Variants in UTRN observed in about 807,000 individuals in gnomAD.
UTRN encodes the protein dystrophin-related protein 1.
A neutral mutation model predicts 463.9 loss-of-function variants in UTRN; 283 were observed. The ratio of observed to expected loss-of-function variants is 0.61; its 90% CI spans 0.55 to 0.67. UTRN has a LOEUF of 0.67. UTRN is among the 30% of genes least tolerant of loss of function. The probability of loss-of-function intolerance (pLI) is 0.00; values close to 1 mark genes in which losing one functional copy is unlikely to be tolerated. For missense variants in UTRN, 3,922 were observed against 4,084.3 expected (o/e 0.96, Z 1.08); for synonymous variants, 1,442 against 1,431.5 (o/e 1.01, Z -0.17).
chr6:144,588,800 T>A (rs1802724004), intron 51 of UTRN, among the ~76,000 whole-genome samples: 1 of 152,224 alleles, frequency 6.6e-6, no homozygotes. Flanking sequence ...GGTAGTTTAT[T>A]TTTAGTTCTC....
chr6:144,587,875 A>G (rs141278663), intron 51 of UTRN, among the ~76,000 whole-genome samples: 2 of 152,298 alleles, frequency 1.3e-5, no homozygotes, highest in East Asian at 3.9e-4. Context: ...TCTAGTCTGC[A>G]AGTTAGAATT....
Position 144,748,511 on chromosome 6 carries a change from C to T in UTRN, c.8205C>T (p.Ile2735=), listed in dbSNP as rs762533000. The change falls in exon 55 of 75, where the codon ATC becomes ATT. Residue 2735 remains isoleucine, a synonymous_variant. Coordinates refer to ENST00000367545, the MANE Select transcript of UTRN (RefSeq NM_007124.3). ...CGCTGCAGGATCACATTGAAAAAAT[C>T]ATGGTCAGCATCATTGTCTTTGAAG... is the stretch of plus-strand genomic sequence containing the variant. The part of the protein sequence containing the change: ...IDSLQDHIEK[I]MAFREEIAPI... The T allele has an allele frequency of 4.3e-6, 7 of 1,611,328 alleles. No individual in the cohort carries two copies. Among genetic ancestry groups the T allele is most frequent in the South Asian group, 2.2e-5 (2 of 90,348 alleles).
chr6:144,398,175 C>G (rs1021792470), intron 2 of UTRN: 4 of 246,698 alleles, frequency 1.6e-5, no homozygotes, highest in African/African-American at 4.6e-5. Flanking sequence ...CCTGCTCTTG[C>G]AATATTCTCT....
intron 45 of UTRN, among the ~76,000 whole-genome samples, chr6:144,542,032 A>G (rs975263908): frequency 6.6e-6 from 1 of 152,184 alleles, no homozygotes; most frequent in Non-Finnish European, 1.5e-5. Context: ...TGTGCATCAC[A>G]AGGAATTTGA....
intron 2 of UTRN, among the ~76,000 whole-genome samples, chr6:144,318,963 G>A (rs117680811): frequency 0.019 from 2,961 of 152,272 alleles, 52 homozygotes; most frequent in Non-Finnish European, 0.031. Flanking sequence ...CAGCTACTTG[G>A]GAGGCTGAGG....
chr6:144,829,107 T>A (rs1200386671), intron 69 of UTRN, among the ~76,000 whole-genome samples: 1 of 152,270 alleles, frequency 6.6e-6, no homozygotes, highest in African/African-American at 2.4e-5. Context: ...CCCACGAAAA[T>A]CAGATTGTTT....
chr6:144,663,067 G>A (rs929279790), intron 51 of UTRN, among the ~76,000 whole-genome samples: 4 of 152,116 alleles, frequency 2.6e-5, no homozygotes, highest in Non-Finnish European at 5.9e-5. Context: ...TCTAGAACCA[G>A]AAAGGGCAAG....
chr6:144,502,326 G>C (rs906713241), intron 34 of UTRN, among the ~76,000 whole-genome samples: 2 of 151,456 alleles, frequency 1.3e-5, no homozygotes, highest in African/African-American at 4.9e-5. Context: ...TTGTTACATA[G>C]GTATACACGT....
chr6:144,570,743 T>C (rs892034929), intron 50 of UTRN, among the ~76,000 whole-genome samples: 1 of 152,192 alleles, frequency 6.6e-6, no homozygotes, highest in African/African-American at 2.4e-5. Flanking sequence ...AGTGGAATAC[T>C]GTCTGAGGCC....
chr6:144,792,725 C>A (rs1262602217), intron 62 of UTRN, among the ~76,000 whole-genome samples: 1 of 152,050 alleles, frequency 6.6e-6, no homozygotes, highest in African/African-American at 2.4e-5. Context: ...AAATTTATTT[C>A]CAAAAAGTAT....
chr6:144,413,015 T>G (rs1295018008), intron 3 of UTRN, among the ~76,000 whole-genome samples: 2 of 152,130 alleles, frequency 1.3e-5, no homozygotes, highest in Admixed American at 1.3e-4. Flanking sequence ...TGATAATGGG[T>G]TTAGGTAAGT....
chr6:144,386,252 C>G (rs1287421799), intron 2 of UTRN, among the ~76,000 whole-genome samples: 1 of 151,988 alleles, frequency 6.6e-6, no homozygotes, highest in Non-Finnish European at 1.5e-5. Context: ...GCTTGAGCCC[C>G]GGAGTTCGAG....
At chr6:144,690,181 G>A (rs1025929417) in intron 52 of UTRN, among the ~76,000 whole-genome samples, 1 of 142,040 alleles carries the variant, frequency 7.0e-6, no homozygotes, top group African/African-American at 2.6e-5. Context: ...GGTGGGTCAG[G>A]CAAGTCCATG....
At position 144,482,891 on chromosome 6, in the gene UTRN, A is replaced by G. The variant is rs181424836; in HGVS notation, c.3687+503A>G. ...ACAGTTTTACTGGGTCTTAGATAAA[A>G]TACCTTTTTTTTTTCTCCCTGGCCA... On this transcript the variant is annotated intron_variant, in intron 27 of 74. Transcript: ENST00000367545. Among the ~76,000 whole-genome samples, 579 of 152,192 alleles carry G rather than the reference A, an allele frequency of 3.8e-3. 3 individuals are homozygous for G. Among genetic ancestry groups the G allele is most frequent in the African/African-American group, 0.014 (563 of 41,524 alleles).
chr6:144,472,584 A>AGAG, intron 23 of UTRN, among the ~76,000 whole-genome samples: 1 of 152,324 alleles, frequency 6.6e-6, no homozygotes, highest in African/African-American at 2.4e-5. Context: ...TGTAGTTTCC[A>AGAG]GAGCGTGTTG....
intron 52 of UTRN, among the ~76,000 whole-genome samples, chr6:144,693,015 TA>T (rs1783595674): frequency 6.6e-6 from 1 of 151,996 alleles, no homozygotes. Context: ...TTTTTTTTTT[TA>T]TAGTTTTGGG....
intron 37 of UTRN, among the ~76,000 whole-genome samples, chr6:144,515,930 T>C (rs1795572875): frequency 6.6e-6 from 1 of 152,192 alleles, no homozygotes; most frequent in Non-Finnish European, 1.5e-5. Context: ...ATCATGGCCA[T>C]AGTTTCCTGC....
intron 41 of UTRN, among the ~76,000 whole-genome samples, chr6:144,526,627 A>G (rs1275223604): frequency 6.6e-6 from 1 of 151,692 alleles, no homozygotes; most frequent in Non-Finnish European, 1.5e-5. Flanking sequence ...GTGAATTTTT[A>G]TCCATTCTTC....
intron 35 of UTRN, among the ~76,000 whole-genome samples, chr6:144,512,632 C>T (rs1434994761): frequency 6.6e-6 from 1 of 151,904 alleles, no homozygotes; most frequent in Admixed American, 6.6e-5. Context: ...CTCGACCTCC[C>T]CAGGCTCAGG....
Sources: gnomAD v4.1 joint callset for allele counts (sites outside exome capture counted in the v4.1 genomes callset) on GRCh38, gnomAD v4.1.1 for gene constraint, MANE v1.5 for transcripts, NCBI Gene and HGNC (gene_info 2026-07-23, HGNC 2026-07-21) for gene names.